The following DLG2 variants were observed in gnomAD, a reference collection of about 807,000 sequenced individuals.
DLG2 encodes the protein disks large homolog 2.
A neutral mutation model predicts 132.5 loss-of-function variants in DLG2; 45 were observed. The observed-to-expected ratio is 0.34, with a 90% CI of 0.27 to 0.44. The LOEUF is 0.44. DLG2 is among the 20% of genes least tolerant of loss of function. DLG2 has a pLI of 1.00. For synonymous variants in DLG2, 424 were observed against 419.6 expected (o/e 1.01, Z -0.13); for missense variants, 1,045 against 1,196.9 (o/e 0.87, Z 1.87).
chr11:84,105,753 A>G (rs115481213), intron 9 of DLG2, among the ~76,000 whole-genome samples: 2,500 of 152,200 alleles, frequency 0.016, 68 homozygotes, highest in African/African-American at 0.057. Flanking sequence ...CCCATGTTCT[A>G]TTTGATAAAT....
At chr11:83,972,327 T>C (rs1173396802) in intron 12 of DLG2, among the ~76,000 whole-genome samples, 1 of 152,134 alleles carries the variant, frequency 6.6e-6, no homozygotes, top group Non-Finnish European at 1.5e-5. Context: ...TTATACTTAT[T>C]TGTAGATTTG....
chr11:85,089,065 G>C (rs909462298), intron 6 of DLG2, among the ~76,000 whole-genome samples: 8 of 152,168 alleles, frequency 5.3e-5, no homozygotes, highest in Non-Finnish European at 1.2e-4. Flanking sequence ...CTTACCACTT[G>C]AGGGTCCAAA....
chr11:83,574,277 T>C (rs2096841928), intron 19 of DLG2, among the ~76,000 whole-genome samples: 2 of 152,156 alleles, frequency 1.3e-5, no homozygotes, highest in Admixed American at 1.3e-4. Context: ...ATTTTAAAGA[T>C]GATGTAGACA....
At chr11:83,832,536 T>C (rs1487356008) in intron 17 of DLG2, among the ~76,000 whole-genome samples, 1 of 152,224 alleles carries the variant, frequency 6.6e-6, no homozygotes, top group Non-Finnish European at 1.5e-5. Context: ...TTCTTACTTA[T>C]AAGTGGGAGC....
intron 3 of DLG2, among the ~76,000 whole-genome samples, chr11:85,389,352 T>G (rs1156537286): frequency 6.6e-6 from 1 of 152,146 alleles, no homozygotes; most frequent in Admixed American, 6.5e-5. Flanking sequence ...CCAAGAAGTT[T>G]GGGATTATGT....
At chr11:84,316,950 C>G (rs1051771846) in intron 7 of DLG2, 1 of 1,612,772 alleles carries the variant, frequency 6.2e-7, no homozygotes, top group East Asian at 2.2e-5. Flanking sequence ...AAGCTGGACC[C>G]CCCGGTCCTG....
At chr11:84,951,764 G>T (rs1379257099) in intron 6 of DLG2, among the ~76,000 whole-genome samples, 3 of 149,910 alleles carry the variant, frequency 2.0e-5, no homozygotes, top group African/African-American at 7.4e-5. Context: ...GCATATCCAG[G>T]GCCACATACA....
chr11:85,390,744 A>G (rs1596806689), intron 3 of DLG2, among the ~76,000 whole-genome samples: 1 of 152,118 alleles, frequency 6.6e-6, no homozygotes, highest in East Asian at 1.9e-4. Flanking sequence ...CAACTAAACA[A>G]TAAGAGTATC....
chr11:85,257,813 A>C (rs2076745379), intron 4 of DLG2, among the ~76,000 whole-genome samples: 1 of 152,252 alleles, frequency 6.6e-6, no homozygotes, highest in South Asian at 2.1e-4. Context: ...AAGAGAATTT[A>C]AGTTTATAAA....
chr11:85,441,563 ATATT>A, intron 3 of DLG2, among the ~76,000 whole-genome samples: 2 of 152,312 alleles, frequency 1.3e-5, no homozygotes, highest in Middle Eastern at 6.8e-3. Flanking sequence ...CAGTCAACAA[ATATT>A]TATTATTATT....
rs533663513 is a variant in DLG2, at chr11:84,700,824, C to G, written c.358-166093G>C. ...TTGAACATGGAAAAGCAAAGACATCCTCACTATCAGTTGGTTTCTGGCTAC... is the reference window on the plus strand; with the variant it reads ...TTGAACATGGAAAAGCAAAGACATCGTCACTATCAGTTGGTTTCTGGCTAC... On this transcript the variant is annotated intron_variant, in intron 6 of 27. Coordinates refer to ENST00000376104, the MANE Select transcript of DLG2 (RefSeq NM_001142699.3). 4.0e-5 allele frequency among the ~76,000 whole-genome samples: 6 copies of G among 151,738 alleles called. No individual in the cohort carries two copies. The East Asian group carries it at 1.2e-3, about 30-fold the overall frequency.
intron 6 of DLG2, chr11:85,021,183 T>C (rs770337058): frequency 3.7e-5 from 37 of 1,004,926 alleles, no homozygotes; most frequent in Non-Finnish European, 4.6e-5. Flanking sequence ...AGCCAGCTTT[T>C]TCCCTTCGTG....
At chr11:84,517,009 T>TA (rs1234070680) in intron 7 of DLG2, among the ~76,000 whole-genome samples, 1 of 32,844 alleles carries the variant, frequency 3.0e-5, no homozygotes, top group Non-Finnish European at 5.8e-5. Context: ...AGGATAAAAG[T>TA]AAAAAAATAA....
chr11:84,509,417 TA>T (rs1213576553), intron 7 of DLG2, among the ~76,000 whole-genome samples: 1 of 152,212 alleles, frequency 6.6e-6, no homozygotes, highest in East Asian at 1.9e-4. Flanking sequence ...TAAATTAATG[TA>T]AAAAACTACT....
intron 3 of DLG2, among the ~76,000 whole-genome samples, chr11:85,349,920 T>C (rs938502619): frequency 6.6e-6 from 1 of 151,578 alleles, no homozygotes; most frequent in Admixed American, 6.5e-5. Flanking sequence ...CCTTTGGGTA[T>C]ATACCCAGTA....
chr11:85,275,276 T>C (rs923786060), intron 4 of DLG2, among the ~76,000 whole-genome samples: 15 of 152,172 alleles, frequency 9.9e-5, no homozygotes, highest in Non-Finnish European at 1.8e-4. Flanking sequence ...GTTTTTCTGC[T>C]AATATGATAT....
Position 84,068,837 on chromosome 11 carries a change from G to A in DLG2, c.750-9353C>T, listed in dbSNP as rs910142147. ...GAAACACTGAAAAGTAGATATTGTC[G>A]CCTTCATTCCACAGTAGAAACTAAA... On this transcript the variant is annotated intron_variant, in intron 10 of 27. Coordinates refer to ENST00000376104, the MANE Select transcript of DLG2 (RefSeq NM_001142699.3). Among the ~76,000 whole-genome samples the A allele has an allele frequency of 5.9e-5, 9 of 152,166 alleles. No individual in the cohort carries two copies. In the East Asian group the frequency reaches 7.7e-4, roughly 13 times the overall value.
At position 83,933,773 on chromosome 11, in the gene DLG2, T is replaced by G. The variant is rs926337428; in HGVS notation, c.1341-3290A>C. Among the ~76,000 whole-genome samples, 7 of 152,174 alleles carry G rather than the reference T, an allele frequency of 4.6e-5. No individual in the cohort carries two copies. The South Asian group carries it at 1.5e-3, about 32-fold the overall frequency. ...AACAAAGCAGTTTAGACCATTGGAT[T>G]AGGATTGGGCCCCTCACCTTGCAAC... On this transcript the variant is annotated intron_variant, in intron 14 of 27. Transcript: ENST00000376104.
At chr11:84,797,232 A>G (rs1187662834) in intron 6 of DLG2, among the ~76,000 whole-genome samples, 10 of 152,100 alleles carry the variant, frequency 6.6e-5, no homozygotes. Flanking sequence ...TCTGCTTGGT[A>G]TTCTGTAACC....
Sources: gnomAD v4.1 joint callset for allele counts (sites outside exome capture counted in the v4.1 genomes callset) on GRCh38, gnomAD v4.1.1 for gene constraint, MANE v1.5 for transcripts, NCBI Gene and HGNC (gene_info 2026-07-23, HGNC 2026-07-21) for gene names.